The following MAP3K20 variants were observed in gnomAD, a reference collection of about 807,000 sequenced individuals.
The protein encoded by MAP3K20 is HCCS-4.
A neutral mutation model predicts 85.7 loss-of-function variants in MAP3K20; 40 were observed. That is an observed-to-expected ratio of 0.47 (90% CI 0.36 to 0.61). MAP3K20 has a LOEUF of 0.61. Ranked by LOEUF, MAP3K20 falls within the 20% of genes least tolerant of loss-of-function variation. The pLI is 0.00. For synonymous variants in MAP3K20, 325 were observed against 327.7 expected, an observed-to-expected ratio of 0.99 and a Z score of 0.09; for missense variants, 817 against 961.7, an observed-to-expected ratio of 0.85 and a Z score of 1.99.
In MAP3K20 at chr2:173,159,472, C is replaced by T. The variant is rs185425550; in HGVS notation, c.160-10333C>T. ...TGGCACGGTCTCAGCTCACTGCAGC[C>T]TGGACCTCCTAGGTGCAAGTGATCC... is the stretch of plus-strand genomic sequence containing the variant. On this transcript the variant is annotated intron_variant, in intron 2 of 19. Coordinates refer to ENST00000375213, the MANE Select transcript of MAP3K20 (RefSeq NM_016653.3). Among the ~76,000 whole-genome samples, 380 of 151,500 alleles carry T rather than the reference C, an allele frequency of 2.5e-3. 3 individuals are homozygous for T. The highest frequency in any genetic ancestry group is 8.9e-3 in the African/African-American group (366 of 41,278).
At chr2:173,238,456 C>A in intron 15 of MAP3K20, 21 bp downstream of exon 15, 2 of 1,596,468 alleles carry the variant, frequency 1.3e-6, no homozygotes, top group South Asian at 1.1e-5. Context: ...TTTTTCTTAC[C>A]GACACTAATG....
intron 2 of MAP3K20, among the ~76,000 whole-genome samples, chr2:173,131,850 A>AG (rs1382308319): frequency 6.6e-6 from 1 of 152,182 alleles, no homozygotes; most frequent in African/African-American, 2.4e-5. Context: ...ATAGAAGCAG[A>AG]GGCAAGGTTG....
chr2:173,077,235 T>C (rs1216686655), intron 1 of MAP3K20, among the ~76,000 whole-genome samples: 2 of 152,242 alleles, frequency 1.3e-5, no homozygotes, highest in East Asian at 3.9e-4. Flanking sequence ...TCGACCTTCG[T>C]TGAAATGAAC....
chr2:173,149,555 A>C (rs1689239303), intron 2 of MAP3K20, among the ~76,000 whole-genome samples: 1 of 151,880 alleles, frequency 6.6e-6, no homozygotes, highest in East Asian at 1.9e-4. Flanking sequence ...AAGTCTCATT[A>C]TCCTCATTCC....
intron 2 of MAP3K20, among the ~76,000 whole-genome samples, chr2:173,108,598 T>A (rs1343553079): frequency 6.6e-6 from 1 of 152,100 alleles, no homozygotes; most frequent in Non-Finnish European, 1.5e-5. Flanking sequence ...TTGGTAGAAA[T>A]GAGAAGGACT....
chr2:173,225,833 A>C, intron 11 of MAP3K20: 2 of 985,158 alleles, frequency 2.0e-6, no homozygotes, highest in Non-Finnish European at 2.4e-6. Context: ...TCTCCTTAGA[A>C]ATGCTGGTGG....
chr2:173,249,695 T>A (rs951884989), intron 16 of MAP3K20, among the ~76,000 whole-genome samples: 4 of 152,238 alleles, frequency 2.6e-5, no homozygotes, highest in African/African-American at 9.6e-5. Context: ...CACTCTGACA[T>A]AGAATAGATT....
chr2:173,133,432 T>C (rs1275764941), intron 2 of MAP3K20, among the ~76,000 whole-genome samples: 1 of 152,176 alleles, frequency 6.6e-6, no homozygotes, highest in African/African-American at 2.4e-5. Context: ...GTGAGAGTCA[T>C]TCAGGGACTG....
At chr2:173,165,097 C>T (rs911602815) in intron 2 of MAP3K20, among the ~76,000 whole-genome samples, 1 of 151,932 alleles carries the variant, frequency 6.6e-6, no homozygotes, top group Non-Finnish European at 1.5e-5. Context: ...TTGATTCCTC[C>T]GTTTATATCT....
At chr2:173,255,550 A>T (rs1685138699) in intron 16 of MAP3K20, among the ~76,000 whole-genome samples, 1 of 152,222 alleles carries the variant, frequency 6.6e-6, no homozygotes, top group Non-Finnish European at 1.5e-5. Flanking sequence ...GCCCAGCAAC[A>T]TGCCTAGAGC....
At chr2:173,251,747 A>C (rs1685046753) in intron 16 of MAP3K20, among the ~76,000 whole-genome samples, 1 of 152,232 alleles carries the variant, frequency 6.6e-6, no homozygotes, top group Non-Finnish European at 1.5e-5. Flanking sequence ...AAATGTACTG[A>C]ACTGTACAAT....
chr2:173,150,429 G>A (rs955913632), intron 2 of MAP3K20, among the ~76,000 whole-genome samples: 2 of 152,154 alleles, frequency 1.3e-5, no homozygotes, highest in African/African-American at 4.8e-5. Flanking sequence ...TGTGGTCAGT[G>A]TCCTACACAG....
chr2:173,190,243 C>T (rs758900834), intron 5 of MAP3K20, among the ~76,000 whole-genome samples: 3 of 152,126 alleles, frequency 2.0e-5, no homozygotes, highest in East Asian at 3.8e-4. Flanking sequence ...TGACCGCCCT[C>T]GACACAGATA....
intron 16 of MAP3K20, among the ~76,000 whole-genome samples, chr2:173,241,360 C>T (rs535694465): frequency 6.6e-6 from 1 of 152,268 alleles, no homozygotes; most frequent in African/African-American, 2.4e-5. Context: ...CACCTGTAGT[C>T]CCAGCACTTT....
At chr2:173,196,055 G>A (rs1690823863) in intron 7 of MAP3K20, among the ~76,000 whole-genome samples, 1 of 138,740 alleles carries the variant, frequency 7.2e-6, no homozygotes, top group East Asian at 2.0e-4. Context: ...ACAAAATTCA[G>A]TCTGTGCATG....
intron 9 of MAP3K20, among the ~76,000 whole-genome samples, chr2:173,207,295 C>T (rs765835992): frequency 6.6e-6 from 1 of 152,114 alleles, no homozygotes; most frequent in Non-Finnish European, 1.5e-5. Flanking sequence ...GAGTTGGACA[C>T]CAGCCAGGCA....
chr2:173,144,192 G>A (rs773348092), intron 2 of MAP3K20, among the ~76,000 whole-genome samples: 6 of 151,982 alleles, frequency 3.9e-5, no homozygotes, highest in Admixed American at 6.6e-5. Flanking sequence ...GGCCGGGTGT[G>A]GTGGCTCACG....
intron 14 of MAP3K20, among the ~76,000 whole-genome samples, chr2:173,234,749 G>A (rs1397120560): frequency 2.6e-5 from 4 of 152,194 alleles, no homozygotes; most frequent in South Asian, 2.1e-4. Flanking sequence ...TGAGTAGAAC[G>A]CATGGCACCT....
intron 2 of MAP3K20, among the ~76,000 whole-genome samples, chr2:173,126,367 T>C (rs986101655): frequency 6.6e-6 from 1 of 152,074 alleles, no homozygotes; most frequent in Non-Finnish European, 1.5e-5. Flanking sequence ...ATTTTTCTTT[T>C]TTCTTTTTCT....
Sources: allele counts gnomAD v4.1 joint callset (sites outside exome capture counted in the v4.1 genomes callset), GRCh38; gene constraint gnomAD v4.1.1; transcripts MANE v1.5; gene names NCBI Gene and HGNC (gene_info 2026-07-23, HGNC 2026-07-21).